The following GYS2 variants were observed in gnomAD, a reference collection of about 807,000 sequenced individuals.
GYS2 encodes glycogen [starch] synthase, liver.
GYS2 carries 80 observed loss-of-function variants against 85.6 expected under a neutral mutation model. The observed-to-expected ratio is 0.93, with a 90% CI of 0.78 to 1.13. The LOEUF (loss-of-function observed/expected upper bound fraction) is 1.13, where lower values mean the gene tolerates loss of function less well. GYS2 is among the 50% of genes most tolerant of loss of function. The probability of loss-of-function intolerance (pLI) is 0.00; values close to 1 mark genes in which losing one functional copy is unlikely to be tolerated. For synonymous variants in GYS2, 328 were observed against 300.7 expected (o/e 1.09, Z -0.94); for missense variants, 881 against 854.9 (o/e 1.03, Z -0.38).
intron 12 of GYS2, among the ~76,000 whole-genome samples, chr12:21,545,919 T>TA (rs963251055): frequency 1.3e-5 from 2 of 152,228 alleles, no homozygotes; most frequent in African/African-American, 4.8e-5. Context: ...CATTAAATTT[T>TA]AAAAAGAATT....
At chr12:21,568,792 G>C in intron 5 of GYS2, 73 bp downstream of exon 5, 1 of 1,352,452 alleles carries the variant, frequency 7.4e-7, no homozygotes, top group South Asian at 1.2e-5. Context: ...ACTACTTCAC[G>C]ATGGAAAACA....
chr12:21,540,532 A>T lies in GYS2; in HGVS notation c.1687T>A (p.Ser563Thr). 1 of 1,614,074 alleles carries T rather than the reference A, an allele frequency of 6.2e-7. No homozygotes were observed. The highest frequency in any genetic ancestry group is 8.5e-7 in the Non-Finnish European group (1 of 1,179,936). ...VDRRFRSPDD[S>T]CNQLTKFLYG... ...AGAAACTTAGTCAGCTGATTGCAAG[A>T]ATCATCTGGAGAACGGAACCGCCTG... The change falls in exon 14 of 16, where the codon TCT (serine) becomes ACT (threonine). Residue 563 changes from serine to threonine, a missense_variant. Ser to Thr is a moderately conservative substitution (Grantham distance 58). Transcript: ENST00000261195.
At chr12:21,587,785 C>T (rs1306529239) in intron 1 of GYS2, among the ~76,000 whole-genome samples, 1 of 151,950 alleles carries the variant, frequency 6.6e-6, no homozygotes, top group Non-Finnish European at 1.5e-5. Context: ...AGCAAAATAT[C>T]ACTTAATGGG....
chr12:21,602,817 G>T (rs1254617743), intron 1 of GYS2, among the ~76,000 whole-genome samples: 1 of 152,006 alleles, frequency 6.6e-6, no homozygotes, highest in Admixed American at 6.6e-5. Context: ...TGTTCCCAGT[G>T]CCCAGGTAAC....
intron 1 of GYS2, among the ~76,000 whole-genome samples, chr12:21,591,050 T>C (rs899918101): frequency 1.3e-5 from 2 of 151,866 alleles, no homozygotes; most frequent in Admixed American, 1.3e-4. Context: ...TGCAGAGATA[T>C]CAATGCAAGA....
rs1480201584 is a variant in GYS2, at chr12:21,559,170, CT to C, written c.1230-2del. On this transcript the variant is annotated splice_acceptor_variant, in intron 9 of 15. Transcript: ENST00000261195. LOFTEE classifies it high-confidence loss of function. ...ATCGTTCAGGTCAGGAATTTCTCCT[CT>C]GCAGGGAAAAAATGTTAATAACAAA... The C allele has an allele frequency of 2.5e-6, 4 of 1,589,064 alleles. No individual in the cohort carries two copies. Among genetic ancestry groups the C allele is most frequent in the Non-Finnish European group, 2.6e-6 (3 of 1,158,558 alleles).
chr12:21,555,667 C>T (rs2081073007), intron 11 of GYS2, among the ~76,000 whole-genome samples: 2 of 152,148 alleles, frequency 1.3e-5, no homozygotes. Flanking sequence ...ACCCTCATTC[C>T]TCATGATTGC....
At position 21,544,822 on chromosome 12, in the gene GYS2, A is replaced by G. The variant is rs534666969; in HGVS notation, c.1549+1522T>C. 7.9e-5 allele frequency among the ~76,000 whole-genome samples: 12 copies of G among 152,324 alleles called. No homozygotes were observed. The East Asian group carries it at 1.9e-3, about 24-fold the overall frequency. ...TTCCCCAAGAAATTTTAAAGTTTTT[A>G]TAGCTGCTGGCAAATTATGCTTGGT... On this transcript the variant is annotated intron_variant, in intron 12 of 15. Transcript: ENST00000261195.
At chr12:21,549,396 A>G (rs2136856308) in intron 11 of GYS2, among the ~76,000 whole-genome samples, 1 of 152,336 alleles carries the variant, frequency 6.6e-6, no homozygotes, top group East Asian at 1.9e-4. Context: ...AAATACACAA[A>G]CAAGAGCATT....
At chr12:21,551,389 A>G (rs1187522370) in intron 11 of GYS2, among the ~76,000 whole-genome samples, 3 of 152,116 alleles carry the variant, frequency 2.0e-5, no homozygotes, top group Admixed American at 1.3e-4. Flanking sequence ...AAATATACAT[A>G]TTACCTCATT....
intron 1 of GYS2, among the ~76,000 whole-genome samples, chr12:21,595,151 C>A (rs1044628897): frequency 9.2e-5 from 14 of 152,114 alleles, no homozygotes; most frequent in African/African-American, 3.1e-4. Flanking sequence ...AGGATCTTGG[C>A]GGATGGGAGG....
At chr12:21,571,455 T>G (rs1000933135) in intron 4 of GYS2, among the ~76,000 whole-genome samples, 3 of 152,090 alleles carry the variant, frequency 2.0e-5, no homozygotes, top group Admixed American at 6.5e-5. Flanking sequence ...ATAATGTGTA[T>G]AGAAAAACAA....
intron 3 of GYS2, among the ~76,000 whole-genome samples, chr12:21,574,572 A>T (rs1944423707): frequency 1.3e-5 from 2 of 152,124 alleles, no homozygotes; most frequent in Non-Finnish European, 1.5e-5. Flanking sequence ...TCCACAGAAG[A>T]ATAAATACTA....
intron 14 of GYS2, 57 bp from the exon 15 acceptor site, chr12:21,539,395 C>A (rs942718999): frequency 1.1e-6 from 1 of 935,640 alleles, no homozygotes; most frequent in South Asian, 1.3e-5. Flanking sequence ...TCTCAATAAT[C>A]AAGTTATTAA....
At position 21,542,522 on chromosome 12, in the gene GYS2, T is replaced by G. The variant is rs750248307; in HGVS notation, c.1619A>C (p.Glu540Ala). Residue 540 changes from glutamate (E) to alanine (A), a missense_variant, in exon 13 of 16, where the codon GAG (glutamate) becomes GCG (alanine). Transcript: ENST00000261195. ...GTAAGCAGTAGGATCAGCCACGTGC[T>G]CCTGCATGAAACAGCCAAACCCGGA... ...NLSGFGCFMQ[E>A]HVADPTAYGI... is the part of the protein sequence containing the mutation. The G allele has an allele frequency of 2.0e-5, 33 of 1,612,828 alleles. No homozygotes were observed. The highest frequency in any genetic ancestry group is 2.7e-5 in the Non-Finnish European group (32 of 1,178,960).
At chr12:21,550,760 A>G (rs1250208470) in intron 11 of GYS2, among the ~76,000 whole-genome samples, 9 of 151,998 alleles carry the variant, frequency 5.9e-5, no homozygotes, top group Non-Finnish European at 1.2e-4. Context: ...GGCCAACATG[A>G]TGAAACCCCA....
intron 14 of GYS2, among the ~76,000 whole-genome samples, chr12:21,539,857 A>G (rs930084611): frequency 6.6e-6 from 1 of 152,234 alleles, no homozygotes; most frequent in Non-Finnish European, 1.5e-5. Flanking sequence ...TTCAGCCAAG[A>G]GTGTTCAGCA....
chr12:21,602,036 C>T (rs118109038), intron 1 of GYS2, among the ~76,000 whole-genome samples: 1,927 of 152,118 alleles, frequency 0.013, 21 homozygotes, highest in Middle Eastern at 0.031. Flanking sequence ...TCCTAAGAAA[C>T]CTTTTGTTTT....
chr12:21,564,749 C>T (rs999172033), intron 5 of GYS2, among the ~76,000 whole-genome samples: 2 of 152,118 alleles, frequency 1.3e-5, no homozygotes, highest in Non-Finnish European at 2.9e-5. Flanking sequence ...ATGTAGGGCT[C>T]ACTTTGTGCC....
Sources: gnomAD v4.1 joint callset for allele counts (sites outside exome capture counted in the v4.1 genomes callset) on GRCh38, gnomAD v4.1.1 for gene constraint, MANE v1.5 for transcripts, NCBI Gene and HGNC (gene_info 2026-07-23, HGNC 2026-07-21) for gene names.